Variants in CNTNAP3 observed in about 807,000 individuals in gnomAD.
CNTNAP3 encodes contactin-associated protein-like 3.
Under a neutral mutation model 92.1 loss-of-function variants are expected in CNTNAP3, and 36 were observed. The observed-to-expected ratio is 0.39, with a 90% CI of 0.30 to 0.52. The LOEUF is 0.52. Among genes scored for constraint, CNTNAP3 ranks in the 20% least tolerant of loss-of-function variants. CNTNAP3 has a pLI of 0.76. For synonymous variants in CNTNAP3, 232 were observed against 422.3 expected (o/e 0.55, Z 5.53); for missense variants, 534 against 1,069.6 (o/e 0.50, Z 6.98).
intron 15 of CNTNAP3, among the ~76,000 whole-genome samples, chr9:39,108,617 C>T (rs536780892): frequency 1.6e-3 from 239 of 152,280 alleles, no homozygotes; most frequent in African/African-American, 4.8e-3. Flanking sequence ...TCCCGTGCTA[C>T]GCAGTAGGTA....
intron 13 of CNTNAP3, among the ~76,000 whole-genome samples, chr9:39,124,654 C>T (rs552035613): frequency 1.1e-4 from 17 of 151,982 alleles, no homozygotes; most frequent in Non-Finnish European, 2.2e-4. Flanking sequence ...AGAACTTAAA[C>T]AAATTTACAA....
At chr9:39,082,233 CT>C (rs1434448078) in intron 21 of CNTNAP3, among the ~76,000 whole-genome samples, 1 of 151,962 alleles carries the variant, frequency 6.6e-6, no homozygotes, top group Non-Finnish European at 1.5e-5. Flanking sequence ...ACAGCACAGA[CT>C]TTACACGTTT....
chr9:39,140,857 A>G (rs1246584713), intron 11 of CNTNAP3, among the ~76,000 whole-genome samples: 1 of 152,224 alleles, frequency 6.6e-6, no homozygotes, highest in Non-Finnish European at 1.5e-5. Flanking sequence ...CCTAGTCAAA[A>G]TACATTCAAA....
Position 39,071,659 on chromosome 9 carries a change from A to C in CNTNAP3, c.*2231T>G, listed in dbSNP as rs1329579319. On this transcript the variant is annotated 3_prime_UTR_variant, in exon 24 of 24. Coordinates refer to ENST00000297668, the MANE Select transcript of CNTNAP3 (RefSeq NM_033655.5). ...GACTTAATTCTCTGCAACAGTAAAA[A>C]GTACTCAATTTAGATTTTAGTAAGT... Among the ~76,000 whole-genome samples the C allele has an allele frequency of 3.3e-5, 5 of 151,900 alleles. No homozygotes were observed. Among genetic ancestry groups the C allele is most frequent in the Non-Finnish European group, 7.4e-5 (5 of 67,930 alleles).
chr9:39,074,353 C>G (rs1250199794), intron 23 of CNTNAP3, among the ~76,000 whole-genome samples: 2 of 149,932 alleles, frequency 1.3e-5, no homozygotes, highest in Non-Finnish European at 3.0e-5. Flanking sequence ...TAAATGGTGA[C>G]TTTTGGTCCA....
At chr9:39,096,070 C>CGGGTTA (rs768993195) in intron 18 of CNTNAP3, among the ~76,000 whole-genome samples, 7 of 140,656 alleles carry the variant, frequency 5.0e-5, no homozygotes, top group South Asian at 2.4e-4. Context: ...TCCCATCTGT[C>CGGGTTA]TCCTCTGTGC....
intron 3 of CNTNAP3, among the ~76,000 whole-genome samples, chr9:39,218,411 TTATTA>T (rs1563902708): frequency 2.4e-4 from 1 of 4,142 alleles, no homozygotes; most frequent in African/African-American, 2.8e-4. Context: ...TCTCATGAAT[TTATTA>T]TTATTATTAT....
Position 39,144,338 on chromosome 9 carries a change from G to C in CNTNAP3, c.1658C>G (p.Pro553Arg). ...DSCGITDRCL[P>R]SYCEHGGECS... The stretch of plus-strand genomic sequence containing the variant: ...CTCGCCCCCATGCTCACAGTAGCTG[G>C]GCAAGCACCTAAAAGAAAACAGATA... Residue 553 changes from proline to arginine, a missense_variant, in exon 11 of 24, where the codon CCC becomes CGC. Transcript: ENST00000297668. 2 of 1,539,060 alleles carry C rather than the reference G, an allele frequency of 1.3e-6. No individual in the cohort carries two copies. The highest frequency in any genetic ancestry group is 1.7e-6 in the Non-Finnish European group (2 of 1,146,204).
At chr9:39,148,981 G>C (rs1821774053) in intron 10 of CNTNAP3, among the ~76,000 whole-genome samples, 2 of 152,158 alleles carry the variant, frequency 1.3e-5, no homozygotes, top group Non-Finnish European at 2.9e-5. Context: ...TTATGGCACA[G>C]CTAGCATAAC....
At chr9:39,094,289 T>C (rs1182593405) in intron 18 of CNTNAP3, among the ~76,000 whole-genome samples, 3 of 151,566 alleles carry the variant, frequency 2.0e-5, no homozygotes, top group African/African-American at 4.8e-5. Context: ...TTTGCAAATA[T>C]TTTATCACAT....
At chr9:39,109,072 T>C in intron 15 of CNTNAP3, 88 bp downstream of exon 15, 1 of 1,498,004 alleles carries the variant, frequency 6.7e-7, no homozygotes, top group Non-Finnish European at 8.9e-7. Context: ...CACTATTCTC[T>C]TTCTGGCAAG....
intron 14 of CNTNAP3, among the ~76,000 whole-genome samples, chr9:39,116,319 C>T (rs375279902): frequency 6.6e-6 from 1 of 152,024 alleles, no homozygotes; most frequent in Non-Finnish European, 1.5e-5. Flanking sequence ...TCTGAACAGC[C>T]AGGAGCTGGA....
intron 13 of CNTNAP3, among the ~76,000 whole-genome samples, chr9:39,121,872 A>C (rs1587718620): frequency 6.6e-6 from 1 of 152,284 alleles, no homozygotes; most frequent in East Asian, 1.9e-4. Context: ...TCTCCTTAAC[A>C]ACATTCTAAT....
intron 9 of CNTNAP3, among the ~76,000 whole-genome samples, chr9:39,157,601 C>T (rs1345826698): frequency 4.2e-5 from 3 of 70,658 alleles, no homozygotes; most frequent in Non-Finnish European, 9.1e-5. Context: ...CCGCCTAGGC[C>T]TCCCAAAGTG....
At chr9:39,083,401 C>T (rs1825991183) in intron 21 of CNTNAP3, among the ~76,000 whole-genome samples, 2 of 152,042 alleles carry the variant, frequency 1.3e-5, no homozygotes, top group African/African-American at 4.8e-5. Flanking sequence ...TGGCTCACAC[C>T]TGTAATCCCA....
At chr9:39,137,065 A>C (rs1821455021) in intron 12 of CNTNAP3, among the ~76,000 whole-genome samples, 1 of 151,228 alleles carries the variant, frequency 6.6e-6, no homozygotes, top group Non-Finnish European at 1.5e-5. Context: ...ATTTCTTCAA[A>C]TATGCTTCTG....
At chr9:39,125,206 T>C (rs1272842869) in intron 13 of CNTNAP3, among the ~76,000 whole-genome samples, 1 of 152,042 alleles carries the variant, frequency 6.6e-6, no homozygotes, top group African/African-American at 2.4e-5. Flanking sequence ...ATGTCCTTTG[T>C]AGGGCCATGG....
Position 39,278,318 on chromosome 9 carries a change from GA to G in CNTNAP3, c.85+9661del, listed in dbSNP as rs1323671912. 1.3e-4 allele frequency among the ~76,000 whole-genome samples: 2 copies of G among 15,116 alleles called. 1 individual carries two copies. The highest frequency in any genetic ancestry group is 4.1e-4 in the Non-Finnish European group (2 of 4,912). 9.9% of individuals were successfully genotyped at this position (15,116 alleles called of 152,430 possible). A position where few individuals can be genotyped will look rare whatever the true frequency, so the allele number is the denominator to read the frequency against. On this transcript the variant is annotated intron_variant, in intron 1 of 23. Transcript: ENST00000297668. ...TAAAAGAGGATACAAACAAACGAAA[GA>G]ACATTCCATGCTCATGGGTAGGAAG...
chr9:39,147,255 TACAATTAGATTTTTGTTTGTTTGTTA>T (rs1426136742), intron 10 of CNTNAP3, among the ~76,000 whole-genome samples: 14 of 145,630 alleles, frequency 9.6e-5, no homozygotes, highest in African/African-American at 3.3e-4. Context: ...AACAGACTAA[TACAATTAGATTTTTGTTTGTTTGTTA>T]ACAACAACAA....
Sources: gnomAD v4.1 joint callset for allele counts (sites outside exome capture counted in the v4.1 genomes callset) on GRCh38, gnomAD v4.1.1 for gene constraint, MANE v1.5 for transcripts, NCBI Gene and HGNC (gene_info 2026-07-23, HGNC 2026-07-21) for gene names.